Variants in TTN observed in about 807,000 individuals in gnomAD.
TTN encodes the protein connectin.
Under a neutral mutation model 3,223.0 loss-of-function variants are expected in TTN, and 1,525 were observed. The ratio of observed to expected loss-of-function variants is 0.47; its 90% CI spans 0.45 to 0.49. The LOEUF (loss-of-function observed/expected upper bound fraction) is 0.49, where lower values mean the gene tolerates loss of function less well. Ranked by LOEUF, TTN falls within the 20% of genes least tolerant of loss-of-function variation. The probability of loss-of-function intolerance (pLI) is 0.00; values close to 1 mark genes in which losing one functional copy is unlikely to be tolerated. For missense variants in TTN, 40,786 were observed against 43,424.0 expected (o/e 0.94, Z 5.40); for synonymous variants, 14,094 against 15,161.0 (o/e 0.93, Z 5.17).
chr2:178,629,867 T>C (rs549521739), intron 239 of TTN, among the ~76,000 whole-genome samples: 83 of 152,190 alleles, frequency 5.5e-4, no homozygotes, highest in African/African-American at 1.9e-3. Context: ...CTTTCTTGAA[T>C]CTAAAATGCC....
chr2:178,625,156 T>G, intron 241 of TTN, 117 bp downstream of exon 241: 1 of 1,372,606 alleles, frequency 7.3e-7, no homozygotes. Context: ...ATCAGACTTT[T>G]GATTATTTGG....
At position 178,732,582 on chromosome 2, in the gene TTN, A is replaced by C; in HGVS notation, c.16479T>G (p.Gly5493=). The C allele has an allele frequency of 6.2e-7, 1 of 1,613,634 alleles. No individual in the cohort carries two copies. ...CTTCTTTGGTAATATAGCAGCTTCCACCAGAAACCAGCTCTTTGTTGCCCT... is the reference window on the plus strand; with the variant it reads ...CTTCTTTGGTAATATAGCAGCTTCCCCCAGAAACCAGCTCTTTGTTGCCCT... ...WFKGNKELVS[G]GSCYITKEAL... Residue 5493 remains glycine, a synonymous_variant, in exon 56 of 363, where the codon GGT becomes GGG. Coordinates refer to ENST00000589042, the MANE Select transcript of TTN (RefSeq NM_001267550.2).
At chr2:178,736,211 T>A in intron 49 of TTN, 137 bp from the exon 50 acceptor site, 1 of 764,970 alleles carries the variant, frequency 1.3e-6, no homozygotes, top group Non-Finnish European at 2.0e-6. Flanking sequence ...AGTAATGTGT[T>A]AATAAGAACA....
At chr2:178,746,442 C>A (rs2083578004) in intron 47 of TTN, 1 of 1,611,658 alleles carries the variant, frequency 6.2e-7, no homozygotes, top group Non-Finnish European at 8.5e-7. Flanking sequence ...TCTTTAACGT[C>A]TTTTTCACTT....
rs768845661 is a variant in TTN, at chr2:178,578,891, T to G, written c.68139A>C (p.Glu22713Asp). 6.2e-7 allele frequency: 1 copy of G among 1,613,358 alleles called. No homozygotes were observed. The highest frequency in any genetic ancestry group is 2.2e-5 in the East Asian group (1 of 44,778). Residue 22713 changes from glutamate (E) to aspartate (D), a missense_variant, in exon 320 of 363, where the codon GAA becomes GAC. Glu to Asp is a conservative substitution (Grantham distance 45). Coordinates refer to ENST00000589042, the MANE Select transcript of TTN (RefSeq NM_001267550.2). Reference protein sequence around the residue: ...FRVTRLHEGMEYTFRVSAENK... With the variant: ...FRVTRLHEGMDYTFRVSAENK... ...TTTCGGCACTGACCCTGAAGGTATA[T>G]TCCATGCCCTCATGAAGTCTGGTTA... is the stretch of plus-strand genomic sequence containing the variant.
rs1365026291 is a variant in TTN at position 178,544,427 on chromosome 2, C to T, written c.95802G>A (p.Met31934Ile). 4 of 1,613,752 alleles carry T rather than the reference C, an allele frequency of 2.5e-6. No homozygotes were observed. The highest frequency in any genetic ancestry group is 3.4e-6 in the Non-Finnish European group (4 of 1,179,692). ...CTACAATGTCAGTACCACCATCGTA[C>T]ATGGGTTTGGTCCATGCCAAACTAA... The part of the protein sequence containing the change: ...HSISLAWTKP[M>I]YDGGTDIVGY... The change falls in exon 345 of 363, where the codon ATG becomes ATA. Residue 31934 changes from methionine (M) to isoleucine (I), a missense_variant. By Grantham distance (10) the Met-to-Ile change is conservative. Transcript: ENST00000589042.
chr2:178,629,076 C>G (rs924617081), intron 240 of TTN, among the ~76,000 whole-genome samples: 1 of 151,966 alleles, frequency 6.6e-6, no homozygotes, highest in Non-Finnish European at 1.5e-5. Flanking sequence ...CATGATCATA[C>G]TTTAAATTTA....
chr2:178,671,506 C>A (rs963441457), intron 155 of TTN, among the ~76,000 whole-genome samples: 1 of 151,814 alleles, frequency 6.6e-6, no homozygotes, highest in South Asian at 2.1e-4. Flanking sequence ...ACTTCACTTC[C>A]TTAATGTTGT....
chr2:178,778,626 A>G, intron 24 of TTN: 2 of 523,176 alleles, frequency 3.8e-6, no homozygotes, highest in Admixed American at 3.2e-5. Flanking sequence ...CAGGTGTCAA[A>G]TAAGAGCTAT....
At chr2:178,650,410 A>C (rs1195443053) in intron 209 of TTN, 139 bp from the exon 210 acceptor site, 9 of 905,846 alleles carry the variant, frequency 9.9e-6, no homozygotes, top group Non-Finnish European at 1.5e-5. Context: ...TTTAGATAAA[A>C]TCTATCTCAT....
At chr2:178,762,172 G>T (rs1029548506) in intron 43 of TTN, among the ~76,000 whole-genome samples, 4 of 152,170 alleles carry the variant, frequency 2.6e-5, no homozygotes, top group African/African-American at 9.7e-5. Context: ...CTGGCCAGAG[G>T]AAGTTCTGTA....
At chr2:178,556,720 A>C in intron 330 of TTN, 128 bp downstream of exon 330, 1 of 1,126,730 alleles carries the variant, frequency 8.9e-7, no homozygotes, top group Non-Finnish European at 1.3e-6. Flanking sequence ...CAGCTAGTCC[A>C]TAATTTCTTC....
At chr2:178,640,353 G>T (rs951048798) in intron 221 of TTN, among the ~76,000 whole-genome samples, 188 bp downstream of exon 221, 3 of 151,710 alleles carry the variant, frequency 2.0e-5, no homozygotes, top group Non-Finnish European at 4.4e-5. Context: ...TTTTTTTCAG[G>T]TAACTTATTT....
Position 178,532,247 on chromosome 2 carries a change from G to A in TTN, c.104368C>T (p.Leu34790Phe), listed in dbSNP as rs551824963. The A allele has an allele frequency of 1.2e-5, 19 of 1,613,558 alleles. No individual in the cohort carries two copies. Among genetic ancestry groups the A allele is most frequent in the Non-Finnish European group, 1.6e-5 (19 of 1,179,878 alleles). Reference sequence around the variant, plus strand: ...TTTTCCTCCTTTGACATGAAGTCAAGTTCGCTTTTGTATTCTGAGAGATGC... The same window carrying A: ...TTTTCCTCCTTTGACATGAAGTCAAATTCGCTTTTGTATTCTGAGAGATGC... The part of the protein sequence containing the change: ...TQHLSEYKSE[L>F]DFMSKEEKSR... The change falls in exon 358 of 363, where the codon CTT becomes TTT. Residue 34790 changes from leucine to phenylalanine, a missense_variant. Physicochemically the swap from Leu to Phe is conservative, Grantham distance 22. Transcript: ENST00000589042.
chr2:178,564,976 C>T lies in TTN; in HGVS notation c.81156G>A (p.Arg27052=), dbSNP rs907258083. ...AATCCAGTGGGGCACTTTTTCCATACCTGTTTTCAGCAAAAATTCTAAACT... is the reference window on the plus strand; with the variant it reads ...AATCCAGTGGGGCACTTTTTCCATATCTGTTTTCAGCAAAAATTCTAAACT... ...EYQFRIFAEN[R]YGKSAPLDSK... The change falls in exon 326 of 363, where the codon AGG becomes AGA. Residue 27052 remains arginine (R), a synonymous_variant. Transcript: ENST00000589042. 7 of 1,611,654 alleles carry T rather than the reference C, an allele frequency of 4.3e-6. No homozygotes were observed. Among genetic ancestry groups the T allele is most frequent in the Non-Finnish European group, 5.1e-6 (6 of 1,178,968 alleles).
chr2:178,715,265 C>T lies in TTN; in HGVS notation c.25922-1G>A. ...GGCTTTTTGCGGAAAATGGGTGGTT[C>T]TAAAATTGGAAAAAAGGAAAATACG... On this transcript the variant is annotated splice_acceptor_variant, in intron 89 of 362. Coordinates refer to ENST00000589042, the MANE Select transcript of TTN (RefSeq NM_001267550.2). LOFTEE classifies it high-confidence loss of function. The T allele has an allele frequency of 6.3e-7, 1 of 1,590,714 alleles. No homozygotes were observed. The highest frequency in any genetic ancestry group is 8.5e-7 in the Non-Finnish European group (1 of 1,170,924).
At chr2:178,605,830 T>A in intron 278 of TTN, 117 bp from the exon 279 acceptor site, 2 of 911,538 alleles carry the variant, frequency 2.2e-6, no homozygotes, top group Non-Finnish European at 2.9e-6. Flanking sequence ...TAACCTTACA[T>A]CCTTATTTAA....
chr2:178,527,734 G>A lies in TTN; in HGVS notation c.107392C>T (p.Pro35798Ser), dbSNP rs780544430. Residue 35798 changes from proline (P) to serine (S), a missense_variant, in exon 362 of 363, where the codon CCT (proline) becomes TCT (serine). Coordinates refer to ENST00000589042, the MANE Select transcript of TTN (RefSeq NM_001267550.2). ...SLMVLPLVEE[P>S]SREVVLRTSG... Reference sequence around the variant, plus strand: ...GTTCTCAATACTACCTCTCTGGAAGGTTCTTCAACTAGAGCTGTGGAGCAT... The same window carrying A: ...GTTCTCAATACTACCTCTCTGGAAGATTCTTCAACTAGAGCTGTGGAGCAT... 5.6e-6 allele frequency: 9 copies of A among 1,598,544 alleles called. No homozygotes were observed. The Admixed American group carries it at 1.5e-4, about 27-fold the overall frequency.
rs377760800 is a variant in TTN, at chr2:178,680,029, G to A, written c.33445C>T (p.Pro11149Ser). The A allele has an allele frequency of 5.6e-6, 9 of 1,613,076 alleles. No homozygotes were observed. Among genetic ancestry groups the A allele is most frequent in the Non-Finnish European group, 6.8e-6 (8 of 1,179,402 alleles). The change falls in exon 140 of 363, where the codon CCA becomes TCA. Residue 11149 changes from proline to serine, a missense_variant. By Grantham distance (74) the Pro-to-Ser change is moderately conservative. Coordinates refer to ENST00000589042, the MANE Select transcript of TTN (RefSeq NM_001267550.2). The part of the protein sequence containing the change: ...RVPEVPKELE[P>S]EEVAFEEEVV... ...TCCTCTTCAAAGGCAACCTCTTCTG[G>A]TTCAAGTTCTTTAGGCACTTCTGGC...
Sources: gnomAD v4.1 joint callset for allele counts (sites outside exome capture counted in the v4.1 genomes callset) on GRCh38, gnomAD v4.1.1 for gene constraint, MANE v1.5 for transcripts, NCBI Gene and HGNC (gene_info 2026-07-23, HGNC 2026-07-21) for gene names.